IQGAP2: variants seen among roughly 807,000 people sequenced by gnomAD.
The protein encoded by IQGAP2 is IQ motif containing GTPase activating protein 2, also known as ras GTPase-activating-like protein IQGAP2.
Under a neutral mutation model 201.3 loss-of-function variants are expected in IQGAP2, and 173 were observed. That is an observed-to-expected ratio of 0.86 (90% CI 0.76 to 0.98). IQGAP2 has a LOEUF of 0.98. Among genes scored for constraint, IQGAP2 ranks in the 50% least tolerant of loss-of-function variants. IQGAP2 has a pLI of 0.00. For missense variants in IQGAP2, 1,687 were observed against 1,864.8 expected (o/e 0.90, Z 1.76); for synonymous variants, 675 against 673.9 (o/e 1.00, Z -0.03).
At chr5:76,529,039 T>A (rs1190996244) in intron 2 of IQGAP2, among the ~76,000 whole-genome samples, 1 of 152,184 alleles carries the variant, frequency 6.6e-6, no homozygotes, top group African/African-American at 2.4e-5. Context: ...TCTTGTGAAT[T>A]AGGCAGATAG....
chr5:76,541,751 T>A (rs1258012411), intron 2 of IQGAP2, among the ~76,000 whole-genome samples: 3 of 152,238 alleles, frequency 2.0e-5, no homozygotes, highest in Non-Finnish European at 4.4e-5. Context: ...ATTACAGTTT[T>A]GATGTGCATT....
At chr5:76,531,912 A>G (rs1274434625) in intron 2 of IQGAP2, among the ~76,000 whole-genome samples, 1 of 152,190 alleles carries the variant, frequency 6.6e-6, no homozygotes, top group Non-Finnish European at 1.5e-5. Flanking sequence ...ACATTGGTAG[A>G]TTCGGTATCT....
At chr5:76,459,985 G>A (rs765698073) in intron 1 of IQGAP2, among the ~76,000 whole-genome samples, 1 of 152,134 alleles carries the variant, frequency 6.6e-6, no homozygotes, top group Non-Finnish European at 1.5e-5. Flanking sequence ...GTAATGATGA[G>A]CTCACTTAGT....
At chr5:76,532,959 A>G (rs1335643137) in intron 2 of IQGAP2, among the ~76,000 whole-genome samples, 1 of 152,226 alleles carries the variant, frequency 6.6e-6, no homozygotes, top group African/African-American at 2.4e-5. Context: ...ACTCAAATCA[A>G]GCCCCCAACT....
At position 76,496,767 on chromosome 5, in the gene IQGAP2, TTCTTTCTTTCTTTC is replaced by T. The variant is rs1561416641; in HGVS notation, c.146+35100_146+35113del. Among the ~76,000 whole-genome samples the T allele has an allele frequency of 9.6e-4, 116 of 121,080 alleles. 5 individuals are homozygous for T. The highest frequency in any genetic ancestry group is 4.3e-3 in the African/African-American group (109 of 25,204). 79.4% of individuals were successfully genotyped at this position (121,080 alleles called of 152,430 possible). A position where few individuals can be genotyped will look rare whatever the true frequency, so the allele number is the denominator to read the frequency against. ...TTTCTTTCTTTCTTTCTTTCTTTCT[TTCTTTCTTTCTTTC>T]TTTCTTTCTTTCTCTTTCTTTCTTT... On this transcript the variant is annotated intron_variant, in intron 2 of 35. Transcript: ENST00000274364.
intron 21 of IQGAP2, 124 bp downstream of exon 21, chr5:76,658,791 C>T (rs1171353237): frequency 8.3e-6 from 7 of 839,950 alleles, no homozygotes; most frequent in Non-Finnish European, 1.2e-5. Flanking sequence ...CATCCTGATG[C>T]AAACATCATA....
At chr5:76,584,380 G>A (rs1312201910) in intron 5 of IQGAP2, among the ~76,000 whole-genome samples, 1 of 152,076 alleles carries the variant, frequency 6.6e-6, no homozygotes, top group African/African-American at 2.4e-5. Flanking sequence ...CCAGAAATTT[G>A]AACAACCCCT....
chr5:76,422,392 C>T (rs543550821), intron 1 of IQGAP2, among the ~76,000 whole-genome samples: 23 of 152,276 alleles, frequency 1.5e-4, no homozygotes, highest in Middle Eastern at 3.4e-3. Flanking sequence ...ACTCAGTTGG[C>T]GGCTGTTTTT....
intron 17 of IQGAP2, 53 bp downstream of exon 17, chr5:76,641,156 T>C: frequency 1.5e-6 from 2 of 1,368,010 alleles, no homozygotes; most frequent in Non-Finnish European, 2.0e-6. Flanking sequence ...CACCTGAAAA[T>C]GTTTTATTTG....
In IQGAP2 at chr5:76,403,447, G is replaced by A; in HGVS notation, c.-99G>A. On this transcript the variant is annotated 5_prime_UTR_variant, in exon 1 of 36. Transcript: ENST00000274364. The surrounding 1 kb of genome is among the most constrained non-coding windows in gnomAD (Gnocchi z 4.8). ...CGGCTAGGGGAAATCGGCGAGAGGC[G>A]GGATCCGAGCGCGCCGGCGGGGCGC... is the stretch of plus-strand genomic sequence containing the variant. The A allele has an allele frequency of 2.2e-6, 2 of 901,190 alleles. No individual in the cohort carries two copies. The highest frequency in any genetic ancestry group is 3.0e-6 in the Non-Finnish European group (2 of 665,260). The allele number at this position is 901,190 out of a possible 1,614,324, so 55.8% of individuals were successfully genotyped here. A position where few individuals can be genotyped will look rare whatever the true frequency, so the allele number is the denominator to read the frequency against.
At chr5:76,677,882 G>A (rs1744959434) in intron 28 of IQGAP2, among the ~76,000 whole-genome samples, 1 of 152,184 alleles carries the variant, frequency 6.6e-6, no homozygotes, top group Admixed American at 6.5e-5. Context: ...AGTGATCTAT[G>A]ATCGTGCCAC....
chr5:76,435,802 C>T (rs1430856850), intron 1 of IQGAP2, among the ~76,000 whole-genome samples: 1 of 152,152 alleles, frequency 6.6e-6, no homozygotes, highest in Admixed American at 6.5e-5. Flanking sequence ...AATGTTGATT[C>T]TTCCAATGCA....
intron 2 of IQGAP2, among the ~76,000 whole-genome samples, chr5:76,552,354 T>C (rs1743618768): frequency 6.6e-6 from 1 of 152,210 alleles, no homozygotes; most frequent in African/African-American, 2.4e-5. Flanking sequence ...TGGTGCCCTC[T>C]CCAGAACACA....
intron 2 of IQGAP2, among the ~76,000 whole-genome samples, chr5:76,498,664 G>A (rs1757115385): frequency 6.6e-6 from 1 of 152,186 alleles, no homozygotes; most frequent in South Asian, 2.1e-4. Context: ...CCTAAACCTT[G>A]CAAGCACTCA....
chr5:76,536,024 C>T lies in IQGAP2; in HGVS notation c.147-26372C>T, dbSNP rs142254272. ...TTGTTCCTTAGAACTATTTATTTCT[C>T]CTAGCACGTACCCATTTACCTGGCT... On this transcript the variant is annotated intron_variant, in intron 2 of 35. Transcript: ENST00000274364. 3.4e-4 allele frequency among the ~76,000 whole-genome samples: 51 copies of T among 150,932 alleles called. No individual in the cohort carries two copies. In the East Asian group the frequency reaches 7.8e-3, roughly 23 times the overall value.
In IQGAP2 at chr5:76,674,638, G is replaced by C. The variant is rs1310922940; in HGVS notation, c.3456G>C (p.Lys1152Asn). The C allele has an allele frequency of 1.2e-5, 19 of 1,614,136 alleles. No homozygotes were observed. The highest frequency in any genetic ancestry group is 1.6e-5 in the Non-Finnish European group (19 of 1,179,988). The change falls in exon 27 of 36, where the codon AAG becomes AAC. Residue 1152 changes from lysine (K) to asparagine (N), a missense_variant. Physicochemically the swap from Lys to Asn is moderately conservative, Grantham distance 94. Transcript: ENST00000274364. Reference protein sequence around the residue: ...AKVLQHAASNKLFEGENEHLS... With the variant: ...AKVLQHAASNNLFEGENEHLS... ...TTCTTCAGCACGCAGCCTCCAACAA[G>C]CTGTTTGAAGGAGAAAATGAGCATC...
chr5:76,688,701 AG>A (rs529027711), intron 30 of IQGAP2, among the ~76,000 whole-genome samples: 55 of 152,342 alleles, frequency 3.6e-4, no homozygotes, highest in Non-Finnish European at 6.9e-4. Flanking sequence ...TTTGGGCCCA[AG>A]CATTTTGAAA....
chr5:76,508,607 C>T (rs916105858), intron 2 of IQGAP2, among the ~76,000 whole-genome samples: 11 of 151,614 alleles, frequency 7.3e-5, no homozygotes, highest in South Asian at 2.1e-4. Flanking sequence ...CTTTGGGAGG[C>T]GGAGGCAAGA....
At position 76,423,871 on chromosome 5, in the gene IQGAP2, C is replaced by A. The variant is rs574960294; in HGVS notation, c.46+20280C>A. On this transcript the variant is annotated intron_variant, in intron 1 of 35. Transcript: ENST00000274364. Reference sequence around the variant, plus strand: ...GTCTCTCAGTGACTTAAAGTGTATTCAGCACATTCTGAATAGGGAAACTGG... The same window carrying A: ...GTCTCTCAGTGACTTAAAGTGTATTAAGCACATTCTGAATAGGGAAACTGG... 2.6e-5 allele frequency among the ~76,000 whole-genome samples: 4 copies of A among 152,244 alleles called. No individual in the cohort carries two copies. In the South Asian group the frequency reaches 8.3e-4, roughly 32 times the overall value.
Sources: allele counts gnomAD v4.1 joint callset (sites outside exome capture counted in the v4.1 genomes callset), GRCh38; gene constraint gnomAD v4.1.1; non-coding constraint Gnocchi (gnomAD v3.1); transcripts MANE v1.5; gene names NCBI Gene and HGNC (gene_info 2026-07-23, HGNC 2026-07-21).